CCPG1: variants seen among roughly 807,000 people sequenced by gnomAD.
The protein encoded by CCPG1 is cell cycle progression 1, also known as cell cycle progression protein 1.
A neutral mutation model predicts 81.3 loss-of-function variants in CCPG1; 46 were observed. The observed-to-expected ratio is 0.57, with a 90% CI of 0.45 to 0.72. The LOEUF (loss-of-function observed/expected upper bound fraction) is 0.72, where lower values mean the gene tolerates loss of function less well. Ranked by LOEUF, CCPG1 falls within the 30% of genes least tolerant of loss-of-function variation. The pLI is 0.00. For synonymous variants in CCPG1, 330 were observed against 305.2 expected (o/e 1.08, Z -0.85); for missense variants, 902 against 937.6 (o/e 0.96, Z 0.50).
intron 2 of CCPG1, 53 bp downstream of exon 2, chr15:55,389,312 A>C: frequency 8.1e-7 from 1 of 1,233,494 alleles, no homozygotes; most frequent in East Asian, 2.4e-5. Flanking sequence ...AGTTTACATC[A>C]CTGGTAACAT....
At chr15:55,380,485 CGGGGTT>C (rs2056663344) in intron 3 of CCPG1, among the ~76,000 whole-genome samples, 2 of 151,264 alleles carry the variant, frequency 1.3e-5, no homozygotes, top group African/African-American at 2.4e-5. Flanking sequence ...TTAGTACAGA[CGGGGTT>C]TCACCGTGTT....
At chr15:55,363,733 TTAAG>T (rs2056255658) in intron 7 of CCPG1, among the ~76,000 whole-genome samples, 1 of 149,738 alleles carries the variant, frequency 6.7e-6, no homozygotes, top group Admixed American at 6.7e-5. Flanking sequence ...CATACATAAA[TTAAG>T]TGTGAGAATT....
At chr15:55,394,892 T>C (rs986734580) in intron 1 of CCPG1, among the ~76,000 whole-genome samples, 3 of 152,020 alleles carry the variant, frequency 2.0e-5, no homozygotes, top group Non-Finnish European at 2.9e-5. Flanking sequence ...ACCTGCTGCC[T>C]GTTGACCAAC....
rs2056072315 is a variant in CCPG1, at chr15:55,356,063, C to G, written c.*157G>C. ...AAAATGCAGGTTAGTAGACTTTTAA[C>G]TAATGCTTCTGAGGAATAATATAAA... is the stretch of plus-strand genomic sequence containing the variant. On this transcript the variant is annotated 3_prime_UTR_variant, in exon 9 of 9. Coordinates refer to ENST00000442196, the MANE Select transcript of CCPG1 (RefSeq NM_001204450.2). 3.3e-6 allele frequency: 2 copies of G among 610,844 alleles called. No individual in the cohort carries two copies. The highest frequency in any genetic ancestry group is 5.3e-6 in the Non-Finnish European group (2 of 374,268). The allele number at this position is 610,844 out of a possible 1,614,324, so 37.8% of individuals were successfully genotyped here.
chr15:55,357,269 CACTGTT>C, intron 8 of CCPG1: 11 of 969,964 alleles, frequency 1.1e-5, no homozygotes, highest in Non-Finnish European at 1.3e-5. Context: ...ATCTAGAAGT[CACTGTT>C]ACTTTCTACT....
chr15:55,393,638 T>C (rs2056964602), intron 1 of CCPG1, among the ~76,000 whole-genome samples: 1 of 152,124 alleles, frequency 6.6e-6, no homozygotes, highest in African/African-American at 2.4e-5. Flanking sequence ...ATTATTTTTA[T>C]CATTATTTGG....
chr15:55,361,556 A>C (rs2056196677), intron 7 of CCPG1, among the ~76,000 whole-genome samples: 1 of 151,598 alleles, frequency 6.6e-6, no homozygotes. Context: ...AAATACAAAA[A>C]TTAGCTGGGC....
At chr15:55,380,304 G>A (rs558231195) in intron 3 of CCPG1, among the ~76,000 whole-genome samples, 2 of 117,910 alleles carry the variant, frequency 1.7e-5, no homozygotes, top group Admixed American at 8.6e-5. Context: ...TTTTTGTTTT[G>A]TTTTGTTTTG....
In CCPG1 at chr15:55,371,852, T is replaced by C. The variant is rs754826373; in HGVS notation, c.647A>G (p.Asn216Ser). ...LSKRQFSSGL[N>S]KCVILALVIA... ...CACCAAAGCAAGTATAACACACTTA[T>C]TGAGACCACTACTGAACTGACGTTT... The change falls in exon 6 of 9, where the codon AAT becomes AGT. Residue 216 changes from asparagine (N) to serine (S), a missense_variant. Physicochemically the swap from Asn to Ser is conservative, Grantham distance 46. This residue lies in a region of CCPG1 where 746 missense variants were observed against 728.6 expected (regional missense o/e 1.02). Transcript: ENST00000442196. 2.5e-6 allele frequency: 4 copies of C among 1,614,158 alleles called. No homozygotes were observed. Among genetic ancestry groups the C allele is most frequent in the Non-Finnish European group, 3.4e-6 (4 of 1,179,986 alleles).
intron 1 of CCPG1, chr15:55,399,660 T>C (rs1388940864): frequency 6.6e-6 from 1 of 151,934 alleles, no homozygotes; most frequent in Non-Finnish European, 1.5e-5. Flanking sequence ...CAAATATCTG[T>C]AACTCATGAA....
At chr15:55,364,863 A>G (rs144793666) in intron 7 of CCPG1, among the ~76,000 whole-genome samples, 7,263 of 151,572 alleles carry the variant, frequency 0.048, 254 homozygotes, top group East Asian at 0.15. Flanking sequence ...ACAGAGCGAG[A>G]CTCCATCTCA....
intron 1 of CCPG1, among the ~76,000 whole-genome samples, chr15:55,401,106 G>C (rs1305662282): frequency 6.6e-6 from 1 of 152,022 alleles, no homozygotes; most frequent in Admixed American, 6.6e-5. Context: ...TTTACATTTA[G>C]CTGTTTAATT....
At chr15:55,379,023 T>C (rs536642419) in intron 3 of CCPG1, among the ~76,000 whole-genome samples, 2 of 152,170 alleles carry the variant, frequency 1.3e-5, no homozygotes, top group South Asian at 2.1e-4. Context: ...ATTAGATACC[T>C]AGTGATACAT....
At chr15:55,366,569 C>T (rs56132182) in intron 6 of CCPG1, among the ~76,000 whole-genome samples, 35,057 of 151,898 alleles carry the variant, frequency 0.23, 5,118 homozygotes, top group Non-Finnish European at 0.33. Flanking sequence ...GTCAGGAGTT[C>T]GAGACCAGCC....
chr15:55,356,704 T>C (rs2056084248), intron 8 of CCPG1: 11 of 1,085,374 alleles, frequency 1.0e-5, no homozygotes, highest in Non-Finnish European at 1.2e-5. Flanking sequence ...CCATTATTTT[T>C]CCTCCTTTCC....
Position 55,378,332 on chromosome 15 carries a change from G to C in CCPG1, c.220C>G (p.Pro74Ala). The change falls in exon 4 of 9, where the codon CCA becomes GCA. Residue 74 changes from proline to alanine, a missense_variant. Physicochemically the swap from Pro to Ala is conservative, Grantham distance 27 (BLOSUM62 -1). Coordinates refer to ENST00000442196, the MANE Select transcript of CCPG1 (RefSeq NM_001204450.2). The stretch of plus-strand genomic sequence containing the variant: ...GTTGAGCTGGTTTCCTCCAAAGCTG[G>C]ATAAGCAGTTTCTTCCATAAGCACT... ...GTVLMEETAY[P>A]ALEETSSTIE... 1 of 1,611,770 alleles carries C rather than the reference G, an allele frequency of 6.2e-7. No homozygotes were observed. The highest frequency in any genetic ancestry group is 1.1e-5 in the South Asian group (1 of 90,912).
chr15:55,394,565 C>T (rs549864651), intron 1 of CCPG1, among the ~76,000 whole-genome samples: 1 of 152,208 alleles, frequency 6.6e-6, no homozygotes, highest in South Asian at 2.1e-4. Flanking sequence ...ACTTACCATA[C>T]TTGAATTTCT....
In CCPG1 at chr15:55,370,830, C is replaced by T. The variant is rs1413631302; in HGVS notation, c.706+963G>A. ...GGCAGAGGCTGCATTGAGCCAAGGTCGCACCACTGGACTCCAGCCTGGGCG... is the reference window on the plus strand; with the variant it reads ...GGCAGAGGCTGCATTGAGCCAAGGTTGCACCACTGGACTCCAGCCTGGGCG... On this transcript the variant is annotated intron_variant, in intron 6 of 8. Coordinates refer to ENST00000442196, the MANE Select transcript of CCPG1 (RefSeq NM_001204450.2). Among the ~76,000 whole-genome samples, 3 of 144,524 alleles carry T rather than the reference C, an allele frequency of 2.1e-5. No individual in the cohort carries two copies. The East Asian group carries it at 6.0e-4, about 29-fold the overall frequency. 94.8% of individuals were successfully genotyped at this position (144,524 alleles called of 152,430 possible). A position where few individuals can be genotyped will look rare whatever the true frequency, so the allele number is the denominator to read the frequency against.
At chr15:55,381,708 T>C (rs1257586669) in intron 3 of CCPG1, among the ~76,000 whole-genome samples, 1 of 152,248 alleles carries the variant, frequency 6.6e-6, no homozygotes, top group African/African-American at 2.4e-5. Context: ...TTTAAAAAGT[T>C]AATGAAGTAA....
Sources: allele counts gnomAD v4.1 joint callset (sites outside exome capture counted in the v4.1 genomes callset), GRCh38; gene constraint gnomAD v4.1.1; regional missense constraint gnomAD v4.1.1; transcripts MANE v1.5; gene names NCBI Gene and HGNC (gene_info 2026-07-23, HGNC 2026-07-21).